PDSS2: variants seen among roughly 807,000 people sequenced by gnomAD.
PDSS2 encodes the protein decaprenyl diphosphate synthase subunit 2.
In PDSS2, 31 loss-of-function variants were observed where a neutral mutation model predicts 44.5. That is an observed-to-expected ratio of 0.70 (90% CI 0.52 to 0.94). The LOEUF is 0.94. Among genes scored for constraint, PDSS2 ranks in the 40% least tolerant of loss-of-function variants. PDSS2 has a pLI of 0.00. For synonymous variants in PDSS2, 157 were observed against 180.3 expected, an observed-to-expected ratio of 0.87 and a Z score of 1.03; for missense variants, 452 against 482.2, an observed-to-expected ratio of 0.94 and a Z score of 0.59.
chr6:107,310,016 T>A (rs1365825995), intron 2 of PDSS2, among the ~76,000 whole-genome samples: 2 of 152,132 alleles, frequency 1.3e-5, no homozygotes, highest in Non-Finnish European at 2.9e-5. Flanking sequence ...CTGGGTGTGG[T>A]GGTTCACACC....
intron 7 of PDSS2, among the ~76,000 whole-genome samples, chr6:107,173,596 A>AAAAAAG (rs1554249196): frequency 6.6e-6 from 1 of 150,492 alleles, no homozygotes; most frequent in Non-Finnish European, 1.5e-5. Context: ...AAAAAAAAAA[A>AAAAAAG]ACGCTTAGAA....
At chr6:107,268,943 T>A (rs957234827) in intron 3 of PDSS2, among the ~76,000 whole-genome samples, 8 of 32,180 alleles carry the variant, frequency 2.5e-4, no homozygotes, top group Non-Finnish European at 7.1e-4. Context: ...ACAAATAGTA[T>A]TTTTTTTTTT....
Position 107,210,551 on chromosome 6 carries a change from G to C in PDSS2, c.896C>G (p.Pro299Arg), listed in dbSNP as rs1187639482. The change falls in exon 6 of 8, where the codon CCT (proline) becomes CGT (arginine). Residue 299 changes from proline (P) to arginine (R), a missense_variant. By Grantham distance (103) the Pro-to-Arg change is moderately radical (BLOSUM62 -2). Coordinates refer to ENST00000369037, the MANE Select transcript of PDSS2 (RefSeq NM_020381.4). ...MSHKINSDVQ[P>R]FIKEKTSDSM... ...GTCACTGGTCTTTTCTTTAATAAAA[G>C]GCTGGACATCAGAATTTATCTACAA... 1 of 1,597,726 alleles carries C rather than the reference G, an allele frequency of 6.3e-7. No individual in the cohort carries two copies. The highest frequency in any genetic ancestry group is 1.1e-5 in the South Asian group (1 of 90,776).
chr6:107,439,364 T>C (rs1049526781), intron 1 of PDSS2, among the ~76,000 whole-genome samples: 1 of 152,216 alleles, frequency 6.6e-6, no homozygotes, highest in Admixed American at 6.5e-5. Context: ...TGAGTTGTTA[T>C]TGGATGCATT....
At chr6:107,211,535 T>G (rs7772350) in intron 5 of PDSS2, among the ~76,000 whole-genome samples, 121,353 of 151,654 alleles carry the variant, frequency 0.8, 49,306 homozygotes, top group East Asian at 1. Flanking sequence ...TTCGAGACCA[T>G]CCTGACCAAC....
intron 2 of PDSS2, among the ~76,000 whole-genome samples, chr6:107,291,008 TA>T (rs201486844): frequency 0.21 from 29,717 of 142,868 alleles, 2,970 homozygotes; most frequent in African/African-American, 0.24. Context: ...CTCAAACCGT[TA>T]AAAAAAAAAA....
intron 7 of PDSS2, among the ~76,000 whole-genome samples, chr6:107,175,925 A>C (rs1771770053): frequency 6.6e-6 from 1 of 152,170 alleles, no homozygotes; most frequent in Admixed American, 6.6e-5. Flanking sequence ...TAACTAACCA[A>C]AACTTATTTT....
rs575826776 is a variant in PDSS2 at position 107,399,011 on chromosome 6, C to T, written c.296+59979G>A. Among the ~76,000 whole-genome samples, 7 of 152,248 alleles carry T rather than the reference C, an allele frequency of 4.6e-5. No individual in the cohort carries two copies. In the South Asian group the frequency reaches 8.3e-4, roughly 18 times the overall value. On this transcript the variant is annotated intron_variant, in intron 1 of 7. Transcript: ENST00000369037. ...TCTGTCACTATCTACCACATATTAT[C>T]CAAGGGAAGAAATCTTTTAATCCAC...
chr6:107,297,631 C>T (rs555961013), intron 2 of PDSS2, among the ~76,000 whole-genome samples: 5 of 150,594 alleles, frequency 3.3e-5, no homozygotes, highest in South Asian at 2.1e-4. Flanking sequence ...CCACCCGCCT[C>T]GGCCTCCCAA....
chr6:107,182,148 A>T (rs1772006345), intron 7 of PDSS2, among the ~76,000 whole-genome samples: 1 of 152,144 alleles, frequency 6.6e-6, no homozygotes, highest in Non-Finnish European at 1.5e-5. Context: ...GTCACTGGGG[A>T]CAAATACAAA....
intron 7 of PDSS2, among the ~76,000 whole-genome samples, chr6:107,156,002 G>A (rs1562338105): frequency 7.1e-6 from 1 of 141,824 alleles, no homozygotes; most frequent in Admixed American, 7.6e-5. Flanking sequence ...CAATTCTTCT[G>A]CCTCAGCCAC....
chr6:107,256,876 T>A (rs536358477), intron 3 of PDSS2, among the ~76,000 whole-genome samples: 50 of 150,592 alleles, frequency 3.3e-4, no homozygotes, highest in Non-Finnish European at 4.1e-4. Context: ...ATAAATAAAT[T>A]AATTAATTAA....
At chr6:107,400,657 A>G (rs1780078915) in intron 1 of PDSS2, among the ~76,000 whole-genome samples, 1 of 152,144 alleles carries the variant, frequency 6.6e-6, no homozygotes, top group African/African-American at 2.4e-5. Flanking sequence ...TAAGCTGTGG[A>G]GCTCAAGCAG....
At chr6:107,385,296 T>G (rs556965699) in intron 1 of PDSS2, among the ~76,000 whole-genome samples, 17 of 152,076 alleles carry the variant, frequency 1.1e-4, no homozygotes, top group African/African-American at 3.6e-4. Context: ...CCCAGGAGTT[T>G]GAATCCAGCC....
rs1778292111 is a variant in PDSS2 at position 107,347,538 on chromosome 6, C to T, written c.297-13206G>A. Reference sequence around the variant, plus strand: ...TCGGCCTCCCAAAGTGCTGAGATTACAGGCGTGAGCCACTGCACCTAGCCT... The same window carrying T: ...TCGGCCTCCCAAAGTGCTGAGATTATAGGCGTGAGCCACTGCACCTAGCCT... On this transcript the variant is annotated intron_variant, in intron 1 of 7. Coordinates refer to ENST00000369037, the MANE Select transcript of PDSS2 (RefSeq NM_020381.4). 2.6e-5 allele frequency among the ~76,000 whole-genome samples: 4 copies of T among 152,246 alleles called. No homozygotes were observed. In the South Asian group the frequency reaches 8.3e-4, roughly 32 times the overall value.
At chr6:107,185,123 T>TAAAAAAAAA (rs11317647) in intron 7 of PDSS2, among the ~76,000 whole-genome samples, 8 of 88,772 alleles carry the variant, frequency 9.0e-5, no homozygotes, top group Admixed American at 2.7e-4. Flanking sequence ...ACCTTATATC[T>TAAAAAAAAA]AAAAAAAAAA....
intron 1 of PDSS2, among the ~76,000 whole-genome samples, chr6:107,386,577 G>C (rs1779618772): frequency 6.6e-6 from 1 of 152,072 alleles, no homozygotes; most frequent in Non-Finnish European, 1.5e-5. Context: ...AAAGTTGGAA[G>C]GTATCCAAGA....
chr6:107,275,777 C>G (rs1055612781), intron 2 of PDSS2, among the ~76,000 whole-genome samples: 4 of 152,046 alleles, frequency 2.6e-5, no homozygotes, highest in African/African-American at 9.7e-5. Context: ...TTAGTGGAAG[C>G]TGGAAAGCTA....
chr6:107,335,034 C>A (rs9373943), intron 1 of PDSS2, among the ~76,000 whole-genome samples: 3 of 151,994 alleles, frequency 2.0e-5, no homozygotes, highest in Admixed American at 2.0e-4. Context: ...TGCCTGTAGT[C>A]TCAGCTACTC....
Sources: gnomAD v4.1 joint callset for allele counts (sites outside exome capture counted in the v4.1 genomes callset) on GRCh38, gnomAD v4.1.1 for gene constraint, MANE v1.5 for transcripts, NCBI Gene and HGNC (gene_info 2026-07-23, HGNC 2026-07-21) for gene names.